Variants in FSTL4 observed in about 807,000 individuals in gnomAD.
The protein encoded by FSTL4 is follistatin-related protein 4.
In FSTL4, 28 loss-of-function variants were observed where a neutral mutation model predicts 78.2. The ratio of observed to expected loss-of-function variants is 0.36; its 90% CI spans 0.27 to 0.49. The LOEUF is 0.49. FSTL4 is among the 20% of genes least tolerant of loss of function. The pLI is 0.98. For missense variants in FSTL4, 922 were observed against 1,084.9 expected, an observed-to-expected ratio of 0.85 and a Z score of 2.11; for synonymous variants, 422 against 440.5, an observed-to-expected ratio of 0.96 and a Z score of 0.53.
chr5:133,809,283 C>T, the FSTL4 span, among the ~76,000 whole-genome samples: 3 of 148,030 alleles, frequency 2.0e-5, no homozygotes, highest in African/African-American at 7.5e-5. Flanking sequence ...AGGAGAATTG[C>T]TTGAACCCAG....
intron 4 of FSTL4, among the ~76,000 whole-genome samples, chr5:133,378,842 C>G (rs988983913): frequency 6.6e-6 from 1 of 151,846 alleles, no homozygotes; most frequent in Non-Finnish European, 1.5e-5. Context: ...AAACAAAGCA[C>G]TGAGGGAGAA....
At chr5:133,281,154 C>A (rs1270455587) in intron 6 of FSTL4, among the ~76,000 whole-genome samples, 1 of 152,166 alleles carries the variant, frequency 6.6e-6, no homozygotes, top group African/African-American at 2.4e-5. Context: ...CCCCTTCCAC[C>A]AGCCCAACCT....
chr5:133,268,792 G>A (rs975156406), intron 6 of FSTL4, among the ~76,000 whole-genome samples: 9 of 152,258 alleles, frequency 5.9e-5, no homozygotes, highest in African/African-American at 1.4e-4. Flanking sequence ...GACCAACGAC[G>A]CCAATTGCAG....
intron 3 of FSTL4, among the ~76,000 whole-genome samples, chr5:133,557,873 G>A (rs1222095881): frequency 1.3e-5 from 2 of 152,180 alleles, no homozygotes; most frequent in Non-Finnish European, 2.9e-5. Context: ...CAACAAAAAC[G>A]TCACCACTGG....
intron 11 of FSTL4, among the ~76,000 whole-genome samples, chr5:133,221,698 T>C (rs1001913843): frequency 2.0e-5 from 3 of 152,094 alleles, no homozygotes; most frequent in Admixed American, 6.5e-5. Flanking sequence ...TCTGTCTCTA[T>C]AAAGGGGGAA....
intron 4 of FSTL4, among the ~76,000 whole-genome samples, chr5:133,321,558 G>C (rs555692413): frequency 5.9e-5 from 9 of 152,228 alleles, no homozygotes; most frequent in African/African-American, 2.2e-4. Context: ...GAGAATGATA[G>C]TGGCAGGCCG....
chr5:133,693,897 CA>C, the FSTL4 span, among the ~76,000 whole-genome samples: 1 of 152,134 alleles, frequency 6.6e-6, no homozygotes, highest in Non-Finnish European at 1.5e-5. Context: ...GGGCCCCAGC[CA>C]ACTGGTTGTT....
rs138852446 is a variant in FSTL4, at chr5:133,555,807, G to A, written c.160+11379C>T. 6.0e-3 allele frequency among the ~76,000 whole-genome samples: 917 copies of A among 152,144 alleles called. 6 individuals carry two copies. The highest frequency in any genetic ancestry group is 9.3e-3 in the Admixed American group (142 of 15,290). On this transcript the variant is annotated intron_variant, in intron 3 of 15. Transcript: ENST00000265342. ...TCCCATTTTGTGTCCAAACATGCAG[G>A]GGCTCACACAAATGATAAAAATTCA...
chr5:133,682,761 G>A, the FSTL4 span, among the ~76,000 whole-genome samples: 38 of 152,320 alleles, frequency 2.5e-4, no homozygotes, highest in South Asian at 2.9e-3. Context: ...AAGAGGATGC[G>A]GGGTACAAAC....
In FSTL4 at chr5:133,554,860, C is replaced by T. The variant is rs146548600; in HGVS notation, c.160+12326G>A. On this transcript the variant is annotated intron_variant, in intron 3 of 15. Transcript: ENST00000265342. ...GCGATGCGGTACGAGAATCAAACCGCGCTGCTAGATTCACCCAAGCACCCT... is the reference window on the plus strand; with the variant it reads ...GCGATGCGGTACGAGAATCAAACCGTGCTGCTAGATTCACCCAAGCACCCT... 4.5e-3 allele frequency among the ~76,000 whole-genome samples: 681 copies of T among 152,290 alleles called. 6 individuals carry two copies. The highest frequency in any genetic ancestry group is 0.015 in the African/African-American group (604 of 41,558).
chr5:133,565,996 C>T (rs1474531338), intron 3 of FSTL4, among the ~76,000 whole-genome samples: 1 of 152,198 alleles, frequency 6.6e-6, no homozygotes, highest in East Asian at 1.9e-4. Context: ...TCCTTCCCAG[C>T]TCCATCAACC....
the FSTL4 span, among the ~76,000 whole-genome samples, chr5:133,737,602 C>CAT: frequency 1.7e-5 from 2 of 117,626 alleles, no homozygotes; most frequent in Admixed American, 1.9e-4. Context: ...GGCTGATTTC[C>CAT]TTTTTTTTTT....
intron 6 of FSTL4, among the ~76,000 whole-genome samples, chr5:133,258,033 C>T (rs1430032728): frequency 4.6e-5 from 7 of 152,166 alleles, no homozygotes. Flanking sequence ...TGGAGAAGAG[C>T]AAACAGTTTT....
intron 4 of FSTL4, among the ~76,000 whole-genome samples, chr5:133,328,478 G>A (rs57337762): frequency 0.2 from 30,951 of 152,186 alleles, 6,279 homozygotes; most frequent in African/African-American, 0.53. Context: ...TTGACTGGCA[G>A]ATCTGTCAGG....
Position 133,338,257 on chromosome 5 carries a change from T to C in FSTL4, c.410-21605A>G, listed in dbSNP as rs1452973365. On this transcript the variant is annotated intron_variant, in intron 4 of 15. Transcript: ENST00000265342. The surrounding 1 kb of genome is among the most constrained non-coding windows in gnomAD (Gnocchi z 4.0). ...CCCCTATTCCTGTCTGCTCCATGCT[T>C]AGAGGCCCTGGTGGGGTGTGCTGAC... 6.6e-6 allele frequency among the ~76,000 whole-genome samples: 1 copy of C among 152,146 alleles called. No homozygotes were observed. Among genetic ancestry groups the C allele is most frequent in the African/African-American group, 2.4e-5 (1 of 41,426 alleles).
intron 4 of FSTL4, among the ~76,000 whole-genome samples, chr5:133,370,843 G>T (rs987516911): frequency 6.6e-6 from 1 of 152,158 alleles, no homozygotes; most frequent in Admixed American, 6.5e-5. Flanking sequence ...ACTCATTAGG[G>T]TCTAAGGCAA....
chr5:133,835,476 G>A, the FSTL4 span, among the ~76,000 whole-genome samples: 8 of 152,188 alleles, frequency 5.3e-5, no homozygotes, highest in Non-Finnish European at 8.8e-5. Context: ...ATTTGTTCAG[G>A]TAGTTAGACA....
chr5:133,535,346 C>G (rs1185402747), intron 3 of FSTL4, among the ~76,000 whole-genome samples: 1 of 152,234 alleles, frequency 6.6e-6, no homozygotes, highest in Non-Finnish European at 1.5e-5. Context: ...AACGCCCAAG[C>G]TGGAAGGTTG....
Position 133,589,300 on chromosome 5 carries a change from A to AAAAAT in FSTL4, c.126+14557_126+14558insATTTT, listed in dbSNP as rs1208142898. Reference sequence around the variant, plus strand: ...TTAGAGTATAATAAAAAAAAAAAAAAAGATCAAGGCCCCAGAACCTTGCTT... The same window carrying AAAAAT: ...TTAGAGTATAATAAAAAAAAAAAAAAAAAATAGATCAAGGCCCCAGAACCTTGCTT... On this transcript the variant is annotated intron_variant, in intron 2 of 15. Transcript: ENST00000265342. 1.3e-5 allele frequency among the ~76,000 whole-genome samples: 2 copies of AAAAAT among 148,422 alleles called. 1 individual carries two copies. Among genetic ancestry groups the AAAAAT allele is most frequent in the African/African-American group, 5.0e-5 (2 of 39,788 alleles).
Sources: allele counts gnomAD v4.1 joint callset (sites outside exome capture counted in the v4.1 genomes callset), GRCh38; gene constraint gnomAD v4.1.1; non-coding constraint Gnocchi (gnomAD v3.1); transcripts MANE v1.5; gene names NCBI Gene and HGNC (gene_info 2026-07-23, HGNC 2026-07-21).